Variants in DEPDC5 observed in about 807,000 individuals in gnomAD.
DEPDC5 encodes the protein GATOR1 complex protein DEPDC5.
DEPDC5 carries 73 observed loss-of-function variants against 217.3 expected under a neutral mutation model. That is an observed-to-expected ratio of 0.34 (90% CI 0.28 to 0.41). DEPDC5 has a LOEUF of 0.41. Among genes scored for constraint, DEPDC5 ranks in the 10% least tolerant of loss-of-function variants. The pLI, the probability that DEPDC5 is intolerant of heterozygous loss-of-function variation, is 1.00. For missense variants in DEPDC5, 1,675 were observed against 2,070.1 expected (o/e 0.81, Z 3.70); for synonymous variants, 733 against 756.7 (o/e 0.97, Z 0.51).
At chr22:31,878,989 C>A (rs1011309152) in intron 37 of DEPDC5, among the ~76,000 whole-genome samples, 1 of 143,904 alleles carries the variant, frequency 6.9e-6, no homozygotes, top group African/African-American at 2.6e-5. Context: ...ATCGTGCCAT[C>A]GCACCACTCC....
intron 27 of DEPDC5, among the ~76,000 whole-genome samples, chr22:31,841,986 ATT>A (rs2148994557): frequency 6.6e-6 from 1 of 152,158 alleles, no homozygotes; most frequent in East Asian, 1.9e-4. Context: ...AACACTTGTC[ATT>A]TTCTTGATTC....
intron 33 of DEPDC5, among the ~76,000 whole-genome samples, chr22:31,869,725 T>A (rs1415396443): frequency 6.6e-6 from 1 of 152,022 alleles, no homozygotes; most frequent in Non-Finnish European, 1.5e-5. Flanking sequence ...TGTGGTGAGA[T>A]CTCAGGTCAA....
At chr22:31,889,541 CTTTTTTTTTTTT>C (rs136874) in intron 38 of DEPDC5, among the ~76,000 whole-genome samples, 5 of 99,622 alleles carry the variant, frequency 5.0e-5, no homozygotes, top group Non-Finnish European at 1.0e-4. Flanking sequence ...GGCAAAACTT[CTTTTTTTTTTTT>C]TTTTTTTTTT....
At chr22:31,765,300 T>C (rs1399807450) in intron 5 of DEPDC5, among the ~76,000 whole-genome samples, 2 of 152,112 alleles carry the variant, frequency 1.3e-5, no homozygotes, top group African/African-American at 4.8e-5. Flanking sequence ...CTTTCCTTTT[T>C]CTTTTTTTTG....
intron 20 of DEPDC5, among the ~76,000 whole-genome samples, chr22:31,812,382 CCTG>C (rs1179385612): frequency 2.0e-5 from 3 of 151,184 alleles, no homozygotes; most frequent in African/African-American, 7.3e-5. Context: ...TATTTTTTTC[CCTG>C]TGTACCAAAT....
intron 24 of DEPDC5, chr22:31,826,629 G>A (rs376751551): frequency 2.5e-5 from 8 of 325,186 alleles, no homozygotes; most frequent in Non-Finnish European, 4.2e-5. Flanking sequence ...ATGCCCTCCC[G>A]GGGTGTGTTA....
At chr22:31,817,818 T>C (rs535872728) in intron 21 of DEPDC5, among the ~76,000 whole-genome samples, 20 of 152,316 alleles carry the variant, frequency 1.3e-4, no homozygotes, top group African/African-American at 4.6e-4. Context: ...ACTAGGTTTT[T>C]CTCTTTTATT....
At chr22:31,792,695 T>C (rs1299447316) in intron 11 of DEPDC5, 50 bp from the exon 12 acceptor site, 2 of 1,398,800 alleles carry the variant, frequency 1.4e-6, no homozygotes, top group Non-Finnish European at 1.9e-6. Flanking sequence ...CTGACAAAAC[T>C]GAATTTCTCT....
At chr22:31,792,153 ACCCCACCCCAG>A (rs2085738285) in intron 11 of DEPDC5, 51 bp downstream of exon 11, 1 of 1,314,124 alleles carries the variant, frequency 7.6e-7, no homozygotes, top group African/African-American at 1.5e-5. Flanking sequence ...GCTTCCCCCA[ACCCCACCCCAG>A]CCATTTCCTT....
At chr22:31,888,018 A>G (rs1352250497) in intron 38 of DEPDC5, among the ~76,000 whole-genome samples, 1 of 151,988 alleles carries the variant, frequency 6.6e-6, no homozygotes, top group Non-Finnish European at 1.5e-5. Context: ...AACACTTAGG[A>G]TACTCAGTTG....
intron 22 of DEPDC5, among the ~76,000 whole-genome samples, chr22:31,820,158 C>G (rs1023683264): frequency 6.6e-6 from 1 of 152,070 alleles, no homozygotes; most frequent in East Asian, 1.9e-4. Flanking sequence ...GTTACGTAGG[C>G]TGGAGTACAG....
At chr22:31,806,227 A>G (rs1021514840) in intron 18 of DEPDC5, 36 bp downstream of exon 18, 1 of 1,576,046 alleles carries the variant, frequency 6.3e-7, no homozygotes. Context: ...GGGTCTTATT[A>G]TGTGGTCCAG....
chr22:31,871,985 G>C (rs549122100), intron 34 of DEPDC5, among the ~76,000 whole-genome samples: 1 of 152,166 alleles, frequency 6.6e-6, no homozygotes, highest in East Asian at 1.9e-4. Flanking sequence ...TCATTTCAAG[G>C]GTCTTTGAAA....
At position 31,837,160 on chromosome 22, in the gene DEPDC5, G is replaced by T; in HGVS notation, c.2354+5G>T. The T allele has an allele frequency of 1.9e-6, 3 of 1,613,864 alleles. No individual in the cohort carries two copies. Among genetic ancestry groups the T allele is most frequent in the Non-Finnish European group, 2.5e-6 (3 of 1,179,874 alleles). On this transcript the variant is annotated splice_donor_5th_base_variant and intron_variant, in intron 26 of 42. Coordinates refer to ENST00000651528, the MANE Select transcript of DEPDC5 (RefSeq NM_001242896.3). ...TCCAGAAGCAGACATCGACAGGTCA[G>T]TGTCAGAGAAAAAGGCACTTGGCTT...
intron 7 of DEPDC5, 87 bp downstream of exon 7, chr22:31,768,950 T>C: frequency 6.6e-7 from 1 of 1,516,000 alleles, no homozygotes; most frequent in South Asian, 1.1e-5. Context: ...TATAATAAAA[T>C]GTGTAAAAGT....
chr22:31,833,136 T>G (rs748491414), intron 24 of DEPDC5, among the ~76,000 whole-genome samples: 7 of 152,202 alleles, frequency 4.6e-5, no homozygotes, highest in Non-Finnish European at 8.8e-5. Context: ...GATTATAGCT[T>G]GCCACAGCCT....
chr22:31,759,010 G>A (rs986817151), intron 3 of DEPDC5, among the ~76,000 whole-genome samples: 1 of 151,104 alleles, frequency 6.6e-6, no homozygotes, highest in Non-Finnish European at 1.5e-5. Context: ...CCAAGTGATT[G>A]TCCTGCCTCA....
intron 5 of DEPDC5, 117 bp downstream of exon 5, chr22:31,765,177 C>T: frequency 1.3e-6 from 1 of 791,648 alleles, no homozygotes; most frequent in Non-Finnish European, 2.1e-6. Flanking sequence ...AAATGTGTGG[C>T]CTGCTAGGTG....
Position 31,833,930 on chromosome 22 carries a change from C to A in DEPDC5, c.2120C>A (p.Thr707Asn), listed in dbSNP as rs770083297. Residue 707 changes from threonine (T) to asparagine (N), a missense_variant, in exon 25 of 43, where the codon ACC becomes AAC. By Grantham distance (65) the Thr-to-Asn change is moderately conservative. Coordinates refer to ENST00000651528, the MANE Select transcript of DEPDC5 (RefSeq NM_001242896.3). Reference protein sequence around the residue: ...SNSGAGMNPRTQNKDSLEDSV... With the variant: ...SNSGAGMNPRNQNKDSLEDSV... ...CTTTCCATAGGTATGAATCCTAGGA[C>A]CCAGAATAAGGATTCTCTAGAGGAC... 1.3e-6 allele frequency: 2 copies of A among 1,595,802 alleles called. No homozygotes were observed. Among genetic ancestry groups the A allele is most frequent in the Admixed American group, 3.5e-5 (2 of 57,928 alleles).
Sources: allele counts gnomAD v4.1 joint callset (sites outside exome capture counted in the v4.1 genomes callset), GRCh38; gene constraint gnomAD v4.1.1; transcripts MANE v1.5; gene names NCBI Gene and HGNC (gene_info 2026-07-23, HGNC 2026-07-21).